Variants in ZDHHC14 observed in about 807,000 individuals in gnomAD.
ZDHHC14 encodes palmitoyltransferase ZDHHC14.
In ZDHHC14, 16 loss-of-function variants were observed where a neutral mutation model predicts 47.7. The observed-to-expected ratio is 0.34, with a 90% CI of 0.23 to 0.51. The LOEUF is 0.51. Ranked by LOEUF, ZDHHC14 falls within the 20% of genes least tolerant of loss-of-function variation. ZDHHC14 has a pLI of 0.97. For missense variants in ZDHHC14, 515 were observed against 662.5 expected, an observed-to-expected ratio of 0.78 and a Z score of 2.44; for synonymous variants, 293 against 278.9, an observed-to-expected ratio of 1.05 and a Z score of -0.50.
intron 1 of ZDHHC14, among the ~76,000 whole-genome samples, chr6:157,517,565 C>T (rs1780741228): frequency 6.6e-6 from 1 of 152,162 alleles, no homozygotes; most frequent in Admixed American, 6.5e-5. Flanking sequence ...TTCGCCTTGG[C>T]CTCCCAAAGT....
intron 2 of ZDHHC14, among the ~76,000 whole-genome samples, chr6:157,549,468 C>T (rs903961370): frequency 3.3e-5 from 5 of 152,180 alleles, no homozygotes; most frequent in Non-Finnish European, 5.9e-5. Context: ...TCGTGCCGGA[C>T]ATACCTTCTG....
At chr6:157,533,746 A>G (rs1454297799) in intron 1 of ZDHHC14, among the ~76,000 whole-genome samples, 1 of 152,242 alleles carries the variant, frequency 6.6e-6, no homozygotes. Context: ...GAGCCGGGCC[A>G]TGCTTTGATG....
At chr6:157,472,244 C>T (rs1296124259) in intron 1 of ZDHHC14, among the ~76,000 whole-genome samples, 1 of 152,088 alleles carries the variant, frequency 6.6e-6, no homozygotes, top group East Asian at 1.9e-4. Flanking sequence ...AAACGGGTTT[C>T]CCCAGGGTGG....
intron 6 of ZDHHC14, among the ~76,000 whole-genome samples, 169 bp from the exon 7 acceptor site, chr6:157,647,090 G>A (rs1033877155): frequency 9.9e-5 from 15 of 152,124 alleles, no homozygotes; most frequent in African/African-American, 3.6e-4. Context: ...TGCTGTTTTA[G>A]GACATTTCCA....
intron 3 of ZDHHC14, among the ~76,000 whole-genome samples, chr6:157,596,353 A>G (rs916696811): frequency 3.9e-5 from 6 of 152,188 alleles, no homozygotes; most frequent in African/African-American, 1.2e-4. Flanking sequence ...TGAGGTGGGA[A>G]CTTGTGGCTT....
chr6:157,414,167 G>A (rs1777926541), intron 1 of ZDHHC14, among the ~76,000 whole-genome samples: 1 of 152,130 alleles, frequency 6.6e-6, no homozygotes, highest in African/African-American at 2.4e-5. Flanking sequence ...CCTGACCTCA[G>A]GTGATCCTCC....
At chr6:157,601,630 A>C (rs1392304153) in intron 3 of ZDHHC14, among the ~76,000 whole-genome samples, 1 of 152,238 alleles carries the variant, frequency 6.6e-6, no homozygotes, top group East Asian at 1.9e-4. Flanking sequence ...TGTGAAATGT[A>C]ATTAGAAGAA....
chr6:157,637,237 G>T (rs1777031537), intron 5 of ZDHHC14, among the ~76,000 whole-genome samples: 1 of 152,220 alleles, frequency 6.6e-6, no homozygotes, highest in Admixed American at 6.5e-5. Context: ...GGGAGCTTAT[G>T]TGGTGAAGCC....
intron 1 of ZDHHC14, among the ~76,000 whole-genome samples, chr6:157,441,177 C>A (rs1778553818): frequency 6.6e-6 from 1 of 152,108 alleles, no homozygotes; most frequent in Non-Finnish European, 1.5e-5. Flanking sequence ...GAAGTCAGGG[C>A]AGAGATAGAA....
chr6:157,466,271 G>A (rs919542793), intron 1 of ZDHHC14, among the ~76,000 whole-genome samples: 1 of 152,078 alleles, frequency 6.6e-6, no homozygotes, highest in African/African-American at 2.4e-5. Context: ...GGCAATGCAG[G>A]GCCCCAAGTG....
At chr6:157,525,285 T>C (rs576469762) in intron 1 of ZDHHC14, among the ~76,000 whole-genome samples, 21 of 152,270 alleles carry the variant, frequency 1.4e-4, no homozygotes, top group African/African-American at 4.8e-4. Context: ...CTCAGCCCCC[T>C]GAGTAGCCAG....
At chr6:157,643,193 C>T (rs1045956706) in intron 5 of ZDHHC14, among the ~76,000 whole-genome samples, 11 of 152,212 alleles carry the variant, frequency 7.2e-5, no homozygotes, top group African/African-American at 2.2e-4. Flanking sequence ...ATGATGCTGA[C>T]GGTTCCTTGA....
At chr6:157,524,874 G>A (rs1006607300) in intron 1 of ZDHHC14, among the ~76,000 whole-genome samples, 1 of 152,212 alleles carries the variant, frequency 6.6e-6, no homozygotes, top group African/African-American at 2.4e-5. Flanking sequence ...GTGCCTGACA[G>A]AACCACCTGT....
intron 1 of ZDHHC14, among the ~76,000 whole-genome samples, chr6:157,520,542 T>G (rs1186916231): frequency 6.6e-6 from 1 of 152,228 alleles, no homozygotes; most frequent in South Asian, 2.1e-4. Flanking sequence ...AAAAAATGCA[T>G]AATAACGTGT....
At chr6:157,659,938 A>T (rs1778274329) in intron 8 of ZDHHC14, among the ~76,000 whole-genome samples, 1 of 152,178 alleles carries the variant, frequency 6.6e-6, no homozygotes, top group African/African-American at 2.4e-5. Context: ...AACGGCACCA[A>T]GTTTATTTGC....
intron 1 of ZDHHC14, among the ~76,000 whole-genome samples, chr6:157,534,653 A>G (rs892844256): frequency 1.3e-5 from 2 of 151,876 alleles, no homozygotes; most frequent in Non-Finnish European, 2.9e-5. Context: ...CGGTGGCATG[A>G]TCTTGGCTCA....
chr6:157,516,239 C>T (rs1278740300), intron 1 of ZDHHC14, among the ~76,000 whole-genome samples: 1 of 152,208 alleles, frequency 6.6e-6, no homozygotes, highest in Non-Finnish European at 1.5e-5. Context: ...CTTATTACTA[C>T]ATTCTAACGT....
intron 5 of ZDHHC14, among the ~76,000 whole-genome samples, chr6:157,633,485 C>T (rs560716519): frequency 2.1e-4 from 32 of 152,222 alleles, no homozygotes; most frequent in African/African-American, 7.0e-4. Flanking sequence ...GAAAGAAAAG[C>T]GTGTGCCCAT....
At chr6:157,592,362 A>C (rs1783940709) in intron 2 of ZDHHC14, among the ~76,000 whole-genome samples, 1 of 152,170 alleles carries the variant, frequency 6.6e-6, no homozygotes, top group East Asian at 1.9e-4. Flanking sequence ...TGATTTTTTA[A>C]AATGTATTTT....
Sources: gnomAD v4.1 joint callset for allele counts (sites outside exome capture counted in the v4.1 genomes callset) on GRCh38, gnomAD v4.1.1 for gene constraint, MANE v1.5 for transcripts, NCBI Gene and HGNC (gene_info 2026-07-23, HGNC 2026-07-21) for gene names.